CREB5: variants seen among roughly 807,000 people sequenced by gnomAD.
CREB5 encodes cAMP responsive element binding protein 5.
In CREB5, 19 loss-of-function variants were observed where a neutral mutation model predicts 57.1. The observed-to-expected ratio is 0.33, with a 90% CI of 0.23 to 0.49. CREB5 has a LOEUF of 0.49. Ranked by LOEUF, CREB5 falls within the 20% of genes least tolerant of loss-of-function variation. CREB5 has a pLI of 0.99. For synonymous variants in CREB5, 238 were observed against 238.3 expected (o/e 1.00, Z 0.01); for missense variants, 579 against 671.6 (o/e 0.86, Z 1.52).
upstream of CREB5, chr7:28,410,017 T>G: frequency 2.2e-6 from 1 of 451,156 alleles, no homozygotes; most frequent in Non-Finnish European, 4.5e-6. Context: ...CGGAGAAAGT[T>G]TGCAAACTTC....
chr7:28,445,794 G>A (rs575258842), intron 1 of CREB5, among the ~76,000 whole-genome samples: 60 of 151,508 alleles, frequency 4.0e-4, no homozygotes, highest in East Asian at 1.2e-3. Flanking sequence ...CTCATGATCC[G>A]CCTGCCTCAG....
intron 5 of CREB5, among the ~76,000 whole-genome samples, chr7:28,571,351 T>G (rs1795695878): frequency 6.6e-6 from 1 of 152,192 alleles, no homozygotes; most frequent in Non-Finnish European, 1.5e-5. Flanking sequence ...CTGCTTATTC[T>G]TCCCTGCTTC....
chr7:28,734,043 G>A (rs1456601095), intron 7 of CREB5, among the ~76,000 whole-genome samples: 1 of 151,884 alleles, frequency 6.6e-6, no homozygotes, highest in Non-Finnish European at 1.5e-5. Context: ...TGGTACCTGG[G>A]GGCTCTGCCA....
At chr7:28,598,976 A>G (rs1354728766) in intron 5 of CREB5, among the ~76,000 whole-genome samples, 1 of 152,190 alleles carries the variant, frequency 6.6e-6, no homozygotes, top group Non-Finnish European at 1.5e-5. Flanking sequence ...CCAACTCAGT[A>G]TGTTCTGATA....
At chr7:28,452,699 TG>T (rs1789883165) in intron 1 of CREB5, among the ~76,000 whole-genome samples, 1 of 152,110 alleles carries the variant, frequency 6.6e-6, no homozygotes, top group Non-Finnish European at 1.5e-5. Context: ...CAGCAAGGTG[TG>T]GGGCAGGGAA....
intron 1 of CREB5, among the ~76,000 whole-genome samples, chr7:28,345,536 T>C (rs1786041180): frequency 6.6e-6 from 1 of 152,076 alleles, no homozygotes; most frequent in African/African-American, 2.4e-5. Flanking sequence ...AATTTATCCT[T>C]TAGGGCAGGG....
At chr7:28,519,779 A>C (rs1199984882) in intron 4 of CREB5, among the ~76,000 whole-genome samples, 1 of 152,234 alleles carries the variant, frequency 6.6e-6, no homozygotes. Context: ...TGTTAATAAC[A>C]CTGACGGAAT....
intron 7 of CREB5, among the ~76,000 whole-genome samples, chr7:28,751,770 CT>C (rs1562616927): frequency 1.3e-5 from 2 of 152,138 alleles, no homozygotes; most frequent in African/African-American, 4.8e-5. Flanking sequence ...AAACTTCAGA[CT>C]TTATTCATAT....
intron 5 of CREB5, among the ~76,000 whole-genome samples, chr7:28,712,939 T>C (rs1802478214): frequency 6.6e-6 from 1 of 152,182 alleles, no homozygotes; most frequent in African/African-American, 2.4e-5. Context: ...TTCCTCTCTT[T>C]AGCATTTCAG....
At chr7:28,514,617 A>T (rs530029402) in intron 4 of CREB5, among the ~76,000 whole-genome samples, 1 of 152,078 alleles carries the variant, frequency 6.6e-6, no homozygotes, top group Non-Finnish European at 1.5e-5. Context: ...GGATGGTCTC[A>T]ATCTCGGACC....
chr7:28,560,849 T>TGCGTGCGCGTGCGTGCGCGTGCGCGCGC (rs1342485250), intron 4 of CREB5, among the ~76,000 whole-genome samples: 2 of 87,052 alleles, frequency 2.3e-5, no homozygotes, highest in Non-Finnish European at 4.6e-5. Context: ...TGTGTGCGCG[T>TGCGTGCGCGTGCGTGCGCGTGCGCGCGC]GTGTGTGTGC....
chr7:28,669,652 C>T (rs1265555722), intron 5 of CREB5, among the ~76,000 whole-genome samples: 3 of 152,318 alleles, frequency 2.0e-5, no homozygotes, highest in East Asian at 1.9e-4. Flanking sequence ...ACTCTATCTT[C>T]AACACAGGAC....
At chr7:28,659,911 C>T (rs1054545238) in intron 5 of CREB5, among the ~76,000 whole-genome samples, 23 of 152,084 alleles carry the variant, frequency 1.5e-4, no homozygotes, top group African/African-American at 5.3e-4. Context: ...TGAGGATTTT[C>T]TAGAAGACAT....
At chr7:28,642,480 C>T (rs139039922) in intron 5 of CREB5, among the ~76,000 whole-genome samples, 27 of 152,296 alleles carry the variant, frequency 1.8e-4, no homozygotes, top group African/African-American at 5.1e-4. Context: ...TTACCAACTT[C>T]GTTTTTACTT....
At chr7:28,400,839 A>C (rs1285868184) in intron 1 of CREB5, among the ~76,000 whole-genome samples, 1 of 152,248 alleles carries the variant, frequency 6.6e-6, no homozygotes, top group African/African-American at 2.4e-5. Flanking sequence ...TATGTGGTTA[A>C]TGATGATACA....
intron 1 of CREB5, among the ~76,000 whole-genome samples, chr7:28,345,340 G>A (rs1786035344): frequency 6.7e-6 from 1 of 148,916 alleles, no homozygotes; most frequent in Non-Finnish European, 1.5e-5. Flanking sequence ...CTTAACAAAT[G>A]TTTTAAAAAT....
chr7:28,577,012 A>G (rs150613), intron 5 of CREB5, among the ~76,000 whole-genome samples: 124,991 of 152,228 alleles, frequency 0.82, 51,419 homozygotes, highest in East Asian at 0.87. Flanking sequence ...CCTGGAATAC[A>G]AGAGCTTGCT....
At chr7:28,508,458 A>T (rs1247424618) in intron 4 of CREB5, among the ~76,000 whole-genome samples, 1 of 152,246 alleles carries the variant, frequency 6.6e-6, no homozygotes, top group Non-Finnish European at 1.5e-5. Flanking sequence ...AATTAGATAC[A>T]GTCTGTGAAC....
intron 1 of CREB5, among the ~76,000 whole-genome samples, chr7:28,459,693 C>T (rs1790271120): frequency 1.3e-5 from 2 of 152,266 alleles, no homozygotes; most frequent in Admixed American, 1.3e-4. Context: ...GGTGGGAAGG[C>T]AGGGTGACGT....
Sources: allele counts gnomAD v4.1 joint callset (sites outside exome capture counted in the v4.1 genomes callset), GRCh38; gene constraint gnomAD v4.1.1; transcripts MANE v1.5; gene names NCBI Gene and HGNC (gene_info 2026-07-23, HGNC 2026-07-21).